Variants in FAM228B observed in about 807,000 individuals in gnomAD.
The protein encoded by FAM228B is protein FAM228B.
Under a neutral mutation model 42.6 loss-of-function variants are expected in FAM228B, and 38 were observed. The observed-to-expected ratio is 0.89, with a 90% CI of 0.69 to 1.17. FAM228B has a LOEUF of 1.17. Ranked by LOEUF, FAM228B falls within the 50% of genes most tolerant of loss-of-function variation. The pLI, the probability that FAM228B is intolerant of heterozygous loss-of-function variation, is 0.00. For synonymous variants in FAM228B, 109 were observed against 122.3 expected, an observed-to-expected ratio of 0.89 and a Z score of 0.72; for missense variants, 344 against 367.3, an observed-to-expected ratio of 0.94 and a Z score of 0.52.
At position 24,080,836 on chromosome 2, in the gene FAM228B, G is replaced by A. The variant is rs148103343; in HGVS notation, c.-289-40G>A. 2.0e-4 allele frequency: 323 copies of A among 1,614,116 alleles called. No homozygotes were observed. The highest frequency in any genetic ancestry group is 1.3e-3 in the African/African-American group (101 of 75,042). On this transcript the variant is annotated intron_variant, in intron 1 of 10. Coordinates refer to the FAM228B transcript ENST00000613899. The surrounding 1 kb of genome is among the most constrained non-coding windows in gnomAD (Gnocchi z 4.7). Reference sequence around the variant, plus strand: ...TTGTTTACCTTTGGTGAATTTCAGCGTTGCTTCAGAGAAATCCTCTTTTTT... The same window carrying A: ...TTGTTTACCTTTGGTGAATTTCAGCATTGCTTCAGAGAAATCCTCTTTTTT...
At chr2:24,152,420 T>C (rs991008683) in intron 7 of FAM228B, among the ~76,000 whole-genome samples, 9 of 152,262 alleles carry the variant, frequency 5.9e-5, no homozygotes, top group Admixed American at 4.6e-4. Context: ...CATTGAAGAG[T>C]TAGGTAATGT....
At chr2:24,083,036 T>C in intron 2 of FAM228B, 1 of 1,614,186 alleles carries the variant, frequency 6.2e-7, no homozygotes, top group Non-Finnish European at 8.5e-7. Context: ...GAGCCATGGC[T>C]GTGTCCCCGA....
rs1667383674 is a variant in FAM228B, at chr2:24,165,528, T to C, written c.932+1193T>C. ...CAGCTGCATGCCTGTTGTCTGCTGT[T>C]GTCTCTGCAGCCCCCAGCCCCTAGC... On this transcript the variant is annotated intron_variant, in intron 9 of 10. Transcript: ENST00000615575. The C allele has an allele frequency of 8.5e-6, 4 of 468,394 alleles. No individual in the cohort carries two copies. The East Asian group carries it at 2.1e-4, about 24-fold the overall frequency. 29.0% of individuals were successfully genotyped at this position (468,394 alleles called of 1,614,324 possible).
intron 2 of FAM228B, among the ~76,000 whole-genome samples, chr2:24,125,810 G>T (rs181665186): frequency 2.0e-5 from 3 of 152,176 alleles, no homozygotes; most frequent in Non-Finnish European, 2.9e-5. Flanking sequence ...TGATCTGCCC[G>T]CCTCGGCCTC....
At chr2:24,117,547 A>G (rs370859794) in intron 3 of FAM228B, among the ~76,000 whole-genome samples, 9 of 151,292 alleles carry the variant, frequency 5.9e-5, no homozygotes, top group African/African-American at 1.9e-4. Context: ...GGTTCAGGTG[A>G]TTCTCCTGCC....
intron 5 of FAM228B, among the ~76,000 whole-genome samples, chr2:24,144,195 A>G (rs1666835285): frequency 2.6e-5 from 4 of 152,184 alleles, no homozygotes. Context: ...TAATCCCACC[A>G]CTTTAGAGGC....
intron 2 of FAM228B, among the ~76,000 whole-genome samples, chr2:24,130,281 A>T (rs1231623956): frequency 6.6e-6 from 1 of 152,188 alleles, no homozygotes; most frequent in African/African-American, 2.4e-5. Context: ...ACATGTGCAG[A>T]TGTCTTTATA....
chr2:24,138,850 G>A lies in FAM228B; in HGVS notation c.361-520G>A, dbSNP rs532721655. Among the ~76,000 whole-genome samples, 4 of 151,284 alleles carry A rather than the reference G, an allele frequency of 2.6e-5. No homozygotes were observed. In the South Asian group the frequency reaches 8.4e-4, roughly 32 times the overall value. The stretch of plus-strand genomic sequence containing the variant: ...AATCCCAGCTACTTGGGAGGCTGAG[G>A]CAGGAGAATCACTTGAACCTGTGAG... On this transcript the variant is annotated intron_variant, in intron 4 of 10. Transcript: ENST00000615575.
intron 1 of FAM228B, chr2:24,124,103 C>T: frequency 6.5e-6 from 2 of 308,858 alleles, no homozygotes; most frequent in Non-Finnish European, 1.2e-5. Flanking sequence ...CGTGGGAATC[C>T]ATTCCAAGGG....
intron 5 of FAM228B, among the ~76,000 whole-genome samples, chr2:24,145,788 A>G (rs1202408951): frequency 1.4e-5 from 2 of 143,766 alleles, no homozygotes; most frequent in African/African-American, 5.2e-5. Flanking sequence ...TCCCGGGTTC[A>G]TGGCATTCTC....
At chr2:24,082,904 G>A (rs770801239) in intron 2 of FAM228B, 21 of 1,610,058 alleles carry the variant, frequency 1.3e-5, no homozygotes, top group Admixed American at 1.2e-4. Context: ...GTAACAGCTG[G>A]AAGGCGGTGA....
At chr2:24,137,017 T>G (rs1394020112) in intron 3 of FAM228B, among the ~76,000 whole-genome samples, 1 of 152,242 alleles carries the variant, frequency 6.6e-6, no homozygotes, top group Non-Finnish European at 1.5e-5. Flanking sequence ...TGTGGAATCC[T>G]GTACTATTTG....
At chr2:24,147,810 A>G (rs1666932674) in intron 7 of FAM228B, among the ~76,000 whole-genome samples, 1 of 151,778 alleles carries the variant, frequency 6.6e-6, no homozygotes, top group Non-Finnish European at 1.5e-5. Flanking sequence ...TCTTTACCAT[A>G]TTAATAATTT....
chr2:24,146,833 C>T lies in FAM228B; in HGVS notation c.527C>T (p.Thr176Ile). The T allele has an allele frequency of 6.5e-7, 1 of 1,544,732 alleles. No homozygotes were observed. Among genetic ancestry groups the T allele is most frequent in the Non-Finnish European group, 8.8e-7 (1 of 1,140,940 alleles). The change falls in exon 6 of 11, where the codon ACT becomes ATT. Residue 176 changes from threonine (T) to isoleucine (I), a missense_variant and splice_region_variant. By Grantham distance (89) the Thr-to-Ile change is moderately conservative. Transcript: ENST00000615575. ...NEKRTLLQCETGKIYSIKEFK... is the reference protein window; with the variant it reads ...NEKRTLLQCEIGKIYSIKEFK... ...AAAAGAACTCTTCTTCAGTGTGAGA[C>T]TGGTACTTAGTTCCTAATTGTTATG...
chr2:24,167,954 C>G, intron 10 of FAM228B: 1 of 383,270 alleles, frequency 2.6e-6, no homozygotes, highest in African/African-American at 2.0e-5. Context: ...GAATTTCTCA[C>G]CGGATTTCTT....
intron 3 of FAM228B, among the ~76,000 whole-genome samples, chr2:24,136,342 A>G (rs1444994476): frequency 6.6e-6 from 1 of 151,806 alleles, no homozygotes; most frequent in Non-Finnish European, 1.5e-5. Context: ...TTCTGCCTCA[A>G]CCTCCCAAGT....
chr2:24,099,935 A>G (rs1281869060), intron 3 of FAM228B, among the ~76,000 whole-genome samples: 1 of 152,206 alleles, frequency 6.6e-6, no homozygotes, highest in Non-Finnish European at 1.5e-5. Context: ...AGACCAATGG[A>G]ACAGAAAAGA....
intron 7 of FAM228B, among the ~76,000 whole-genome samples, chr2:24,152,699 A>G (rs1232500468): frequency 2.6e-5 from 4 of 152,290 alleles, no homozygotes; most frequent in East Asian, 3.9e-4. Context: ...TGTGGCCACC[A>G]TTACTGGTGC....
At chr2:24,136,536 A>AT (rs1666593141) in intron 3 of FAM228B, among the ~76,000 whole-genome samples, 1 of 151,878 alleles carries the variant, frequency 6.6e-6, no homozygotes, top group African/African-American at 2.4e-5. Flanking sequence ...CCAAGTTTTA[A>AT]TTTTTTTGTA....
Sources: allele counts gnomAD v4.1 joint callset (sites outside exome capture counted in the v4.1 genomes callset), GRCh38; gene constraint gnomAD v4.1.1; non-coding constraint Gnocchi (gnomAD v3.1); transcripts MANE v1.5; gene names NCBI Gene and HGNC (gene_info 2026-07-23, HGNC 2026-07-21).